The following RTEL1 variants were observed in gnomAD, a reference collection of about 807,000 sequenced individuals.
The protein encoded by RTEL1 is regulator of telomere length.
A neutral mutation model predicts 162.2 loss-of-function variants in RTEL1; 86 were observed. The observed-to-expected ratio is 0.53, with a 90% CI of 0.45 to 0.63. RTEL1 has a LOEUF of 0.63. Among genes scored for constraint, RTEL1 ranks in the 30% least tolerant of loss-of-function variants. RTEL1 has a pLI of 0.00. For missense variants in RTEL1, 1,941 were observed against 1,750.2 expected, an observed-to-expected ratio of 1.11 and a Z score of -1.95; for synonymous variants, 958 against 717.9, an observed-to-expected ratio of 1.33 and a Z score of -5.35.
intron 7 of RTEL1, among the ~76,000 whole-genome samples, chr20:63,667,144 C>T (rs1263728511): frequency 6.6e-6 from 1 of 152,190 alleles, no homozygotes; most frequent in East Asian, 1.9e-4. Flanking sequence ...CGGCCCAGCT[C>T]TGCTTTTTCT....
chr20:63,672,510 G>A (rs1312220575), intron 8 of RTEL1, 46 bp from the exon 9 acceptor site: 7 of 1,477,370 alleles, frequency 4.7e-6, no homozygotes, highest in South Asian at 3.6e-5. Context: ...CCTCTTTCCC[G>A]GCCTCTGTGA....
At chr20:63,691,897 G>A (rs1019425115) in intron 28 of RTEL1, 60 bp downstream of exon 28, 36 of 1,418,878 alleles carry the variant, frequency 2.5e-5, no homozygotes, top group East Asian at 1.6e-4. Flanking sequence ...GAACGCAGCC[G>A]TGGGTGCCCC....
rs6122146 is a variant in RTEL1 at position 63,684,829 on chromosome 20, C to T, written c.1192-694C>T. Among the ~76,000 whole-genome samples the T allele has an allele frequency of 5.1e-3, 777 of 152,092 alleles. 21 individuals are homozygous for T. In the East Asian group the frequency reaches 0.087, roughly 17 times the overall value. ...TTTCCATAGTGCATCTTGGAGTCAG[C>T]GTGTCTACTTCCTGTAAAAATCTTA... On this transcript the variant is annotated intron_variant, in intron 14 of 34. Coordinates refer to ENST00000360203, the MANE Select transcript of RTEL1 (RefSeq NM_001283009.2).
chr20:63,663,845 G>A lies in RTEL1; in HGVS notation c.538+956G>A, dbSNP rs574185473. On this transcript the variant is annotated intron_variant, in intron 6 of 34. Coordinates refer to ENST00000360203, the MANE Select transcript of RTEL1 (RefSeq NM_001283009.2). ...TGCCAGGACTGAGGACCCTGAAGCT[G>A]CTCTTGTATTTAGGGCGGCGCTCCC... is the stretch of plus-strand genomic sequence containing the variant. Among the ~76,000 whole-genome samples the A allele has an allele frequency of 6.6e-5, 10 of 152,308 alleles. No individual in the cohort carries two copies. In the East Asian group the frequency reaches 1.7e-3, roughly 27 times the overall value.
rs140351957 is a variant in RTEL1, at chr20:63,694,583, G to C, written c.3109+95G>C. 12,892 of 1,260,616 alleles carry C rather than the reference G, an allele frequency of 0.01. 99 individuals carry two copies. Among genetic ancestry groups the C allele is most frequent in the Non-Finnish European group, 0.013 (11,531 of 894,110 alleles). 78.1% of individuals were successfully genotyped at this position (1,260,616 alleles called of 1,614,324 possible). A position where few individuals can be genotyped will look rare whatever the true frequency, so the allele number is the denominator to read the frequency against. ...CTTGAGTGTGGCCGGGGCTGCCCCT[G>C]TGGGGAGCCATCTCATGGTGGGGAC... On this transcript the variant is annotated intron_variant, in intron 31 of 34. Coordinates refer to ENST00000360203, the MANE Select transcript of RTEL1 (RefSeq NM_001283009.2).
At chr20:63,694,315 C>CCCCCG in intron 30 of RTEL1, 57 bp from the exon 31 acceptor site, 2 of 1,225,470 alleles carry the variant, frequency 1.6e-6, no homozygotes, top group Non-Finnish European at 2.4e-6. Context: ...CCCCCCCACC[C>CCCCCG]CAGGGAACTT....
chr20:63,676,923 G>A (rs190188597), intron 10 of RTEL1, among the ~76,000 whole-genome samples: 150 of 152,112 alleles, frequency 9.9e-4, no homozygotes, highest in African/African-American at 3.4e-3. Flanking sequence ...GACAGAGCGA[G>A]ACTCCGTCTC....
intron 30 of RTEL1, 73 bp from the exon 31 acceptor site, chr20:63,694,299 G>GGCCAGCCCCCCC: frequency 2.4e-6 from 2 of 841,720 alleles, no homozygotes; most frequent in Non-Finnish European, 2.0e-6. Context: ...TCCCTAGCCA[G>GGCCAGCCCCCCC]CCCTGCCCCC....
At chr20:63,663,864 C>T (rs1234024244) in intron 6 of RTEL1, among the ~76,000 whole-genome samples, 10 of 152,150 alleles carry the variant, frequency 6.6e-5, no homozygotes, top group East Asian at 1.9e-4. Context: ...TTTAGGGCGG[C>T]GCTCCCCTGG....
At chr20:63,690,637 C>T (rs2145433431) in intron 26 of RTEL1, among the ~76,000 whole-genome samples, 168 bp from the exon 27 acceptor site, 1 of 152,244 alleles carries the variant, frequency 6.6e-6, no homozygotes, top group Non-Finnish European at 1.5e-5. Flanking sequence ...AGAGAACGCC[C>T]CAGGCAAGGA....
At position 63,679,755 on chromosome 20, in the gene RTEL1, C is replaced by G; in HGVS notation, c.1038-94C>G. On this transcript the variant is annotated intron_variant, in intron 12 of 34. Coordinates refer to ENST00000360203, the MANE Select transcript of RTEL1 (RefSeq NM_001283009.2). The stretch of plus-strand genomic sequence containing the variant: ...CTACATCTTTGACCAGTGTCGTCCC[C>G]CCTCAGGCCCGAGCCTGCCTTCTTC... 3.2e-6 allele frequency: 3 copies of G among 924,010 alleles called. No homozygotes were observed. The South Asian group carries it at 4.0e-5, about 12-fold the overall frequency. 57.2% of individuals were successfully genotyped at this position (924,010 alleles called of 1,614,324 possible). A position where few individuals can be genotyped will look rare whatever the true frequency, so the allele number is the denominator to read the frequency against.
rs778086975 is a variant in RTEL1, at chr20:63,694,913, G to A, written c.3282G>A (p.Lys1094=). 4 of 1,612,646 alleles carry A rather than the reference G, an allele frequency of 2.5e-6. No individual in the cohort carries two copies. The highest frequency in any genetic ancestry group is 3.4e-6 in the Non-Finnish European group (4 of 1,179,874). The stretch of plus-strand genomic sequence containing the variant: ...ATAAGCAAGACGACGACCTCGACAA[G>A]GTGCTGGCTGTGTTGGCCGCCCTGA... ...TAYKQDDDLD[K]VLAVLAALTT... is the part of the protein sequence containing the mutation. Residue 1094 remains lysine (K), a synonymous_variant, in exon 32 of 35, where the codon AAG becomes AAA. Transcript: ENST00000360203.
At chr20:63,667,068 T>C (rs1201641610) in intron 7 of RTEL1, among the ~76,000 whole-genome samples, 12 of 148,952 alleles carry the variant, frequency 8.1e-5, no homozygotes, top group Admixed American at 2.7e-4. Flanking sequence ...CTCGATCTTC[T>C]GACCTTGTGA....
At chr20:63,690,969 A>T (rs531381393) in intron 27 of RTEL1, 22 bp downstream of exon 27, 10 of 1,542,196 alleles carry the variant, frequency 6.5e-6, no homozygotes, top group Non-Finnish European at 8.7e-6. Flanking sequence ...GGGCCTTGGG[A>T]TGGACACAGA....
chr20:63,659,995 T>C (rs1050676034), intron 2 of RTEL1, among the ~76,000 whole-genome samples: 1 of 151,784 alleles, frequency 6.6e-6, no homozygotes, highest in Non-Finnish European at 1.5e-5. Context: ...GAAGGTACTA[T>C]GCCTGGATGT....
intron 27 of RTEL1, among the ~76,000 whole-genome samples, chr20:63,691,424 C>G (rs1361585144): frequency 6.6e-6 from 1 of 152,178 alleles, no homozygotes; most frequent in Non-Finnish European, 1.5e-5. Context: ...CATCCCTGCC[C>G]TTCAGGCCCC....
In RTEL1 at chr20:63,661,615, A is replaced by G; in HGVS notation, c.301+119A>G. On this transcript the variant is annotated intron_variant, in intron 3 of 34. Transcript: ENST00000360203. The surrounding 1 kb of genome is among the most constrained non-coding windows in gnomAD (Gnocchi z 5.1). ...CGTCTCTCAAGCAGAACTCAAGGAG[A>G]ATTTTTTAGCTGCTGTATAATTTCT... 8.9e-7 allele frequency: 1 copy of G among 1,122,068 alleles called. No individual in the cohort carries two copies. The highest frequency in any genetic ancestry group is 1.3e-6 in the Non-Finnish European group (1 of 797,700). 69.5% of individuals were successfully genotyped at this position (1,122,068 alleles called of 1,614,324 possible). A position where few individuals can be genotyped will look rare whatever the true frequency, so the allele number is the denominator to read the frequency against.
Position 63,687,543 on chromosome 20 carries a change from C to T in RTEL1, c.1349-95C>T, listed in dbSNP as rs921111954. On this transcript the variant is annotated intron_variant, in intron 16 of 34. Coordinates refer to ENST00000360203, the MANE Select transcript of RTEL1 (RefSeq NM_001283009.2). ...TGCCCGCGGCTCGCTTGCTTGATGC[C>T]AGTGGGTGGAGAGGGTGATGGGCAG... 25 of 1,360,944 alleles carry T rather than the reference C, an allele frequency of 1.8e-5. No individual in the cohort carries two copies. In the African/African-American group the frequency reaches 3.3e-4, roughly 18 times the overall value. The allele number at this position is 1,360,944 out of a possible 1,614,324, so 84.3% of individuals were successfully genotyped here.
chr20:63,685,929 C>A, intron 16 of RTEL1, 57 bp downstream of exon 16: 1 of 1,517,396 alleles, frequency 6.6e-7, no homozygotes, highest in Non-Finnish European at 9.1e-7. Flanking sequence ...CCGGCACCAC[C>A]ATGCCACAGG....
Sources: gnomAD v4.1 joint callset for allele counts (sites outside exome capture counted in the v4.1 genomes callset) on GRCh38, gnomAD v4.1.1 for gene constraint, Gnocchi (gnomAD v3.1) non-coding constraint, MANE v1.5 for transcripts, NCBI Gene and HGNC (gene_info 2026-07-23, HGNC 2026-07-21) for gene names.